FARP2: variants seen among roughly 807,000 people sequenced by gnomAD.
FARP2 encodes FERM, ARH/RhoGEF and pleckstrin domain protein 2.
Under a neutral mutation model 130.5 loss-of-function variants are expected in FARP2, and 111 were observed. The ratio of observed to expected loss-of-function variants is 0.85; its 90% CI spans 0.73 to 1.00. The LOEUF (loss-of-function observed/expected upper bound fraction) is 1.00. Ranked by LOEUF, FARP2 falls within the 50% of genes least tolerant of loss-of-function variation. The pLI is 0.00. For missense variants in FARP2, 1,385 were observed against 1,346.3 expected, an observed-to-expected ratio of 1.03 and a Z score of -0.45; for synonymous variants, 504 against 516.9, an observed-to-expected ratio of 0.98 and a Z score of 0.34.
intron 17 of FARP2, chr2:241,465,866 G>C (rs1017858736): frequency 6.7e-7 from 1 of 1,492,838 alleles, no homozygotes; most frequent in Non-Finnish European, 8.9e-7. Flanking sequence ...AGGTTTTGCT[G>C]TTCTGTGTTG....
chr2:241,432,224 A>C (rs2063110522), intron 9 of FARP2: 1 of 152,884 alleles, frequency 6.5e-6, no homozygotes, highest in East Asian at 1.9e-4. Context: ...AATGCACACA[A>C]GAACTCAAGG....
chr2:241,462,972 G>A (rs2064065106), intron 15 of FARP2, among the ~76,000 whole-genome samples: 2 of 152,148 alleles, frequency 1.3e-5, no homozygotes, highest in Non-Finnish European at 2.9e-5. Context: ...GGGATTACAG[G>A]TATGAGCCAC....
intron 2 of FARP2, among the ~76,000 whole-genome samples, chr2:241,399,126 G>A (rs969516521): frequency 6.6e-6 from 1 of 152,186 alleles, no homozygotes; most frequent in Non-Finnish European, 1.5e-5. Context: ...TGTGGTTTTA[G>A]TGTGCATTTC....
chr2:241,434,275 A>C lies in FARP2; in HGVS notation c.985A>C (p.Lys329Gln). 1 of 1,613,320 alleles carries C rather than the reference A, an allele frequency of 6.2e-7. No homozygotes were observed. Among genetic ancestry groups the C allele is most frequent in the Non-Finnish European group, 8.5e-7 (1 of 1,179,786 alleles). ...TAGACTTTTGGACCAACCTAAGCCA[A>C]AAGCAAAAGCCGTCTTCTTCAGCCG... ...FFRLLDQPKPKAKAVFFSRGS... is the reference protein window; with the variant it reads ...FFRLLDQPKPQAKAVFFSRGS... The change falls in exon 10 of 27, where the codon AAA (lysine) becomes CAA (glutamine). Residue 329 changes from lysine to glutamine, a missense_variant. Physicochemically the swap from Lys to Gln is moderately conservative, Grantham distance 53 (BLOSUM62 1). Coordinates refer to ENST00000264042, the MANE Select transcript of FARP2 (RefSeq NM_014808.4).
At chr2:241,444,626 A>T (rs1461709522) in intron 13 of FARP2, 1 of 152,178 alleles carries the variant, frequency 6.6e-6, no homozygotes, top group East Asian at 1.9e-4. Flanking sequence ...GAGTGGGATC[A>T]TGCCCCTACC....
chr2:241,441,713 T>A, intron 13 of FARP2, 157 bp downstream of exon 13: 1 of 1,122,570 alleles, frequency 8.9e-7, no homozygotes, highest in Non-Finnish European at 1.3e-6. Context: ...ACAGGCTCAT[T>A]TCCTTCCGGT....
intron 2 of FARP2, among the ~76,000 whole-genome samples, chr2:241,376,553 A>C (rs571049112): frequency 6.6e-6 from 1 of 152,216 alleles, no homozygotes; most frequent in Non-Finnish European, 1.5e-5. Flanking sequence ...TCCACCCTGC[A>C]TAGCCCCACA....
At chr2:241,480,641 T>C (rs1315305300) in intron 19 of FARP2, among the ~76,000 whole-genome samples, 2 of 152,040 alleles carry the variant, frequency 1.3e-5, no homozygotes, top group East Asian at 3.9e-4. Flanking sequence ...AGCTTATAGT[T>C]GAATGCCTAA....
intron 18 of FARP2, among the ~76,000 whole-genome samples, chr2:241,472,553 T>C (rs1203241211): frequency 2.0e-5 from 3 of 151,222 alleles, no homozygotes; most frequent in Non-Finnish European, 4.4e-5. Context: ...AGGACCCTGT[T>C]CTGTGGGGAA....
At chr2:241,382,057 A>G (rs776912677) in intron 2 of FARP2, among the ~76,000 whole-genome samples, 2 of 152,210 alleles carry the variant, frequency 1.3e-5, no homozygotes, top group African/African-American at 2.4e-5. Context: ...AGGAACTCAC[A>G]GTGGCCCACA....
intron 14 of FARP2, among the ~76,000 whole-genome samples, chr2:241,458,868 G>A (rs759186204): frequency 9.9e-5 from 15 of 152,252 alleles, no homozygotes; most frequent in Non-Finnish European, 2.2e-4. Context: ...GTGGCATGGG[G>A]CCAGCAGCAT....
intron 1 of FARP2, among the ~76,000 whole-genome samples, chr2:241,357,780 A>G (rs866587861): frequency 1.3e-5 from 2 of 152,224 alleles, no homozygotes; most frequent in Admixed American, 6.5e-5. Context: ...ATTTACCTAT[A>G]GGACTATCAG....
At chr2:241,466,688 C>CT (rs2064180478) in intron 17 of FARP2, 1 of 677,050 alleles carries the variant, frequency 1.5e-6, no homozygotes, top group Non-Finnish European at 1.8e-6. Context: ...CCCTTCCAAC[C>CT]ACCCCCCCCC....
intron 1 of FARP2, among the ~76,000 whole-genome samples, chr2:241,360,881 A>G (rs2061170859): frequency 6.6e-6 from 1 of 152,146 alleles, no homozygotes; most frequent in African/African-American, 2.4e-5. Flanking sequence ...CCTCTAGCAC[A>G]GTAGATAAAT....
At chr2:241,472,779 G>A (rs145368402) in intron 18 of FARP2, among the ~76,000 whole-genome samples, 5 of 148,728 alleles carry the variant, frequency 3.4e-5, no homozygotes, top group African/African-American at 9.9e-5. Flanking sequence ...GGGAGATGCT[G>A]TTCTGAAGGG....
At chr2:241,472,814 C>T (rs1215949464) in intron 18 of FARP2, among the ~76,000 whole-genome samples, 5 of 149,540 alleles carry the variant, frequency 3.3e-5, no homozygotes, top group Admixed American at 3.3e-4. Flanking sequence ...GCACCCTGTT[C>T]TGAGGGGACG....
intron 13 of FARP2, among the ~76,000 whole-genome samples, chr2:241,451,555 A>G (rs1171878486): frequency 6.6e-6 from 1 of 152,174 alleles, no homozygotes; most frequent in Non-Finnish European, 1.5e-5. Context: ...TATGAGTTGT[A>G]TATGATACGA....
intron 21 of FARP2, 83 bp from the exon 22 acceptor site, chr2:241,489,879 A>G (rs1574915999): frequency 1.1e-6 from 1 of 911,128 alleles, no homozygotes; most frequent in Non-Finnish European, 1.8e-6. Context: ...TAGCATTGCC[A>G]GCAGTCACCT....
intron 12 of FARP2, among the ~76,000 whole-genome samples, chr2:241,437,179 T>C (rs982031420): frequency 6.6e-6 from 1 of 152,250 alleles, no homozygotes; most frequent in Non-Finnish European, 1.5e-5. Flanking sequence ...ATGGAGAAAT[T>C]CTTGCTGTTA....
Sources: gnomAD v4.1 joint callset for allele counts (sites outside exome capture counted in the v4.1 genomes callset) on GRCh38, gnomAD v4.1.1 for gene constraint, MANE v1.5 for transcripts, NCBI Gene and HGNC (gene_info 2026-07-23, HGNC 2026-07-21) for gene names.